CCDC30: variants seen among roughly 807,000 people sequenced by gnomAD.
CCDC30 encodes the protein coiled-coil domain containing 30.
In CCDC30, 70 loss-of-function variants were observed where a neutral mutation model predicts 100.2. The ratio of observed to expected loss-of-function variants is 0.70; its 90% CI spans 0.58 to 0.85. The LOEUF (loss-of-function observed/expected upper bound fraction) is 0.85, where lower values mean the gene tolerates loss of function less well. Ranked by LOEUF, CCDC30 falls within the 40% of genes least tolerant of loss-of-function variation. The pLI, the probability that CCDC30 is intolerant of heterozygous loss-of-function variation, is 0.00. For missense variants in CCDC30, 652 were observed against 771.2 expected (o/e 0.85, Z 1.83); for synonymous variants, 233 against 269.5 (o/e 0.86, Z 1.33).
At chr1:42,546,437 T>A (rs1427244070) in intron 6 of CCDC30, among the ~76,000 whole-genome samples, 2 of 109,250 alleles carry the variant, frequency 1.8e-5, no homozygotes, top group East Asian at 2.8e-4. Flanking sequence ...TATATATATA[T>A]ATATAGTATT....
chr1:42,512,612 A>G (rs1644495480), intron 6 of CCDC30, among the ~76,000 whole-genome samples: 1 of 152,178 alleles, frequency 6.6e-6, no homozygotes, highest in Non-Finnish European at 1.5e-5. Flanking sequence ...CATGGCAACC[A>G]TGGATAGAAA....
At chr1:42,457,467 A>C in the CCDC30 span, 1 of 855,696 alleles carries the variant, frequency 1.2e-6, no homozygotes, top group South Asian at 1.4e-5. Context: ...GGGGATACAG[A>C]GATGAATAAG....
chr1:42,564,561 C>T (rs1645567489), intron 6 of CCDC30, among the ~76,000 whole-genome samples: 1 of 132,220 alleles, frequency 7.6e-6, no homozygotes, highest in Non-Finnish European at 1.7e-5. Flanking sequence ...CCACCACGCC[C>T]AGCCTATTCA....
chr1:42,648,683 C>G (rs1350454019), intron 15 of CCDC30, among the ~76,000 whole-genome samples: 1 of 151,318 alleles, frequency 6.6e-6, no homozygotes, highest in Non-Finnish European at 1.5e-5. Context: ...ACAAAACAAA[C>G]AAACAAAAAA....
chr1:42,478,593 T>C (rs2148451415), intron 1 of CCDC30, among the ~76,000 whole-genome samples: 1 of 152,184 alleles, frequency 6.6e-6, no homozygotes, highest in African/African-American at 2.4e-5. Context: ...ACCCCATCTC[T>C]ACAAAAAATA....
chr1:42,459,498 T>A, upstream of CCDC30: 1 of 980,224 alleles, frequency 1.0e-6, no homozygotes, highest in Non-Finnish European at 1.5e-6. Flanking sequence ...AAAAGTTTGA[T>A]GGTTGAGAAA....
intron 2 of CCDC30, among the ~76,000 whole-genome samples, chr1:42,482,079 G>T (rs532996249): frequency 6.6e-6 from 1 of 151,936 alleles, no homozygotes; most frequent in African/African-American, 2.4e-5. Context: ...TGAGCCAGTC[G>T]TGGTGGTGCG....
At chr1:42,513,438 G>C (rs1644509679) in intron 6 of CCDC30, among the ~76,000 whole-genome samples, 1 of 152,184 alleles carries the variant, frequency 6.6e-6, no homozygotes, top group African/African-American at 2.4e-5. Context: ...TACTTGGCCA[G>C]CGCCATCTTG....
intron 7 of CCDC30, among the ~76,000 whole-genome samples, chr1:42,574,109 G>A (rs1645787208): frequency 6.6e-6 from 1 of 152,006 alleles, no homozygotes; most frequent in African/African-American, 2.4e-5. Flanking sequence ...TGATATCAAG[G>A]TTATCCTAGC....
intron 9 of CCDC30, 97 bp from the exon 14 acceptor site, chr1:42,589,224 A>C (rs77804615): frequency 2.2e-4 from 14 of 63,642 alleles, no homozygotes; most frequent in Non-Finnish European, 4.0e-4. Context: ...TCATTGAACC[A>C]AAAAAAAAAA....
exon 1 of CCDC30, chr1:42,463,353 C>A (rs1643466512): frequency 6.6e-6 from 1 of 152,356 alleles, no homozygotes; most frequent in South Asian, 2.1e-4. Flanking sequence ...CGAGCGACCC[C>A]GGGACGCTCG....
chr1:42,519,721 T>A (rs1415775051), intron 6 of CCDC30, among the ~76,000 whole-genome samples: 2 of 151,872 alleles, frequency 1.3e-5, no homozygotes, highest in Non-Finnish European at 2.9e-5. Context: ...CTGGCTAATT[T>A]TTTTTGTATT....
chr1:42,649,844 C>T (rs1342545395), intron 15 of CCDC30, among the ~76,000 whole-genome samples: 1 of 151,980 alleles, frequency 6.6e-6, no homozygotes, highest in East Asian at 1.9e-4. Context: ...ATACCATTTA[C>T]AATAACTTCA....
At chr1:42,588,316 C>A (rs183243218) in intron 9 of CCDC30, among the ~76,000 whole-genome samples, 25 of 152,108 alleles carry the variant, frequency 1.6e-4, no homozygotes, top group Admixed American at 1.3e-3. Context: ...GGAAAATTTC[C>A]CCTCCCCTTC....
At chr1:42,500,419 CT>C (rs373902992) in intron 6 of CCDC30, 58,111 of 630,282 alleles carry the variant, frequency 0.092, 1 homozygote, top group South Asian at 0.14. Flanking sequence ...CGAGTTCTCT[CT>C]TTTTTTTTTT....
chr1:42,535,914 A>G (rs1272911946), intron 6 of CCDC30, among the ~76,000 whole-genome samples: 1 of 149,876 alleles, frequency 6.7e-6, no homozygotes, highest in African/African-American at 2.5e-5. Context: ...TATTAAAAGT[A>G]AGAGATTTAA....
exon 1 of CCDC30, chr1:42,463,352 C>G (rs1351507593): frequency 6.6e-6 from 1 of 152,252 alleles, no homozygotes; most frequent in African/African-American, 2.4e-5. Flanking sequence ...CCGAGCGACC[C>G]CGGGACGCTC....
intron 11 of CCDC30, among the ~76,000 whole-genome samples, chr1:42,620,784 T>C (rs1489613042): frequency 6.6e-6 from 1 of 152,096 alleles, no homozygotes; most frequent in Non-Finnish European, 1.5e-5. Flanking sequence ...ATGTTACCCA[T>C]CTATTACAAA....
intron 6 of CCDC30, among the ~76,000 whole-genome samples, chr1:42,505,175 T>A (rs930835661): frequency 9.2e-5 from 14 of 152,124 alleles, no homozygotes; most frequent in Non-Finnish European, 1.2e-4. Flanking sequence ...ATTTCCCTTT[T>A]GGAAGGTCTA....
Sources: gnomAD v4.1 joint callset for allele counts (sites outside exome capture counted in the v4.1 genomes callset) on GRCh38, gnomAD v4.1.1 for gene constraint, MANE v1.5 for transcripts, NCBI Gene and HGNC (gene_info 2026-07-23, HGNC 2026-07-21) for gene names.